DPF3: variants seen among roughly 807,000 people sequenced by gnomAD.
The protein encoded by DPF3 is double PHD fingers 3, also known as zinc finger protein DPF3.
A neutral mutation model predicts 56.8 loss-of-function variants in DPF3; 18 were observed. The observed-to-expected ratio is 0.32, with a 90% CI of 0.22 to 0.47. The LOEUF (loss-of-function observed/expected upper bound fraction) is 0.47, where lower values mean the gene tolerates loss of function less well. Ranked by LOEUF, DPF3 falls within the 20% of genes least tolerant of loss-of-function variation. The pLI, the probability that DPF3 is intolerant of heterozygous loss-of-function variation, is 1.00. For synonymous variants in DPF3, 188 were observed against 180.2 expected (o/e 1.04, Z -0.35); for missense variants, 403 against 488.8 (o/e 0.82, Z 1.65).
At chr14:72,847,154 C>T (rs2140077870) in intron 1 of DPF3, among the ~76,000 whole-genome samples, 1 of 152,310 alleles carries the variant, frequency 6.6e-6, no homozygotes, top group South Asian at 2.1e-4. Context: ...TGGTGTTTGA[C>T]TTTCTTGAAC....
chr14:72,685,352 CCTCT>C (rs1198932791), intron 7 of DPF3, among the ~76,000 whole-genome samples: 2 of 152,194 alleles, frequency 1.3e-5, no homozygotes, highest in African/African-American at 2.4e-5. Context: ...TGTTACTCAA[CCTCT>C]CTGAGCCTCA....
chr14:72,811,961 G>A (rs960977415), intron 1 of DPF3, among the ~76,000 whole-genome samples: 2 of 151,998 alleles, frequency 1.3e-5, no homozygotes, highest in African/African-American at 2.4e-5. Context: ...ACATTGGTGT[G>A]GCTGTTTTCT....
At chr14:72,821,795 CA>C (rs1365915461) in intron 1 of DPF3, among the ~76,000 whole-genome samples, 1 of 152,026 alleles carries the variant, frequency 6.6e-6, no homozygotes. Flanking sequence ...TGCTTGAGGC[CA>C]GGAGTTCAAG....
intron 5 of DPF3, among the ~76,000 whole-genome samples, chr14:72,715,759 A>C (rs1888894466): frequency 6.6e-6 from 1 of 151,876 alleles, no homozygotes; most frequent in African/African-American, 2.4e-5. Flanking sequence ...ACCACCTGCC[A>C]AGCTACCACC....
At position 72,619,029 on chromosome 14, in the gene DPF3, G is replaced by T. The variant is rs1304421639; in HGVS notation, c.*268C>A. Among the ~76,000 whole-genome samples, 1 of 152,216 alleles carries T rather than the reference G, an allele frequency of 6.6e-6. No individual in the cohort carries two copies. Among genetic ancestry groups the T allele is most frequent in the Non-Finnish European group, 1.5e-5 (1 of 68,040 alleles). On this transcript the variant is annotated 3_prime_UTR_variant, in exon 11 of 11. Coordinates refer to ENST00000556509, the MANE Select transcript of DPF3 (RefSeq NM_001280542.3). ...CGGTGCTAGGGTAAAAGTGAGAGGG[G>T]TTCCACAGGGCTGGGGCCGGAGGTG...
intron 1 of DPF3, among the ~76,000 whole-genome samples, chr14:72,825,587 A>G (rs906683324): frequency 6.6e-6 from 1 of 152,192 alleles, no homozygotes; most frequent in Non-Finnish European, 1.5e-5. Flanking sequence ...GGTGCAGCCT[A>G]CATCCCATTG....
At chr14:72,755,898 T>C (rs1330977342) in intron 2 of DPF3, among the ~76,000 whole-genome samples, 2 of 152,202 alleles carry the variant, frequency 1.3e-5, no homozygotes, top group African/African-American at 4.8e-5. Flanking sequence ...CGTTCAGCCC[T>C]GGAGTTCCAC....
At chr14:72,763,458 C>T (rs1350190981) in intron 2 of DPF3, among the ~76,000 whole-genome samples, 1 of 152,042 alleles carries the variant, frequency 6.6e-6, no homozygotes, top group Non-Finnish European at 1.5e-5. Flanking sequence ...TATATGTGGA[C>T]ATCTAATTTT....
At chr14:72,626,260 C>G (rs1884822772) in intron 9 of DPF3, among the ~76,000 whole-genome samples, 1 of 152,106 alleles carries the variant, frequency 6.6e-6, no homozygotes, top group Non-Finnish European at 1.5e-5. Context: ...TCTCCCTTAT[C>G]CCTACTATCC....
chr14:72,831,361 A>AG (rs1300369467), intron 1 of DPF3, among the ~76,000 whole-genome samples: 1 of 151,938 alleles, frequency 6.6e-6, no homozygotes, highest in African/African-American at 2.4e-5. Context: ...GGAAAAAAAA[A>AG]ACAAAAAACA....
intron 8 of DPF3, among the ~76,000 whole-genome samples, chr14:72,672,139 T>G (rs1886717676): frequency 6.6e-6 from 1 of 151,920 alleles, no homozygotes; most frequent in South Asian, 2.1e-4. Flanking sequence ...AGTTGTCAAA[T>G]CTCATTCAGG....
intron 8 of DPF3, among the ~76,000 whole-genome samples, chr14:72,646,977 C>G (rs944063324): frequency 6.6e-6 from 1 of 152,188 alleles, no homozygotes; most frequent in African/African-American, 2.4e-5. Flanking sequence ...ACTTGGAGAC[C>G]CTCTGCTGCC....
At position 72,864,827 on chromosome 14, in the gene DPF3, C is replaced by T. The variant is rs534987002; in HGVS notation, c.32+29230G>A. 3.3e-5 allele frequency among the ~76,000 whole-genome samples: 5 copies of T among 152,236 alleles called. 1 individual carries two copies. The highest frequency in any genetic ancestry group is 4.1e-4 in the South Asian group (2 of 4,822). On this transcript the variant is annotated intron_variant, in intron 1 of 10. Transcript: ENST00000556509. ...GAAGCACTGCAGGCTGGGAGGTCAA[C>T]GAGGAAGCTCCTGCCAGTGTCCCCA...
chr14:72,693,494 G>A (rs184749993), intron 6 of DPF3, among the ~76,000 whole-genome samples: 1 of 152,306 alleles, frequency 6.6e-6, no homozygotes, highest in East Asian at 1.9e-4. Flanking sequence ...CAAGTCACTT[G>A]ACCTCTCTGT....
Position 72,693,213 on chromosome 14 carries a change from A to G in DPF3, c.605T>C (p.Ile202Thr), listed in dbSNP as rs1887769260. The G allele has an allele frequency of 1.2e-6, 2 of 1,613,608 alleles. No homozygotes were observed. Among genetic ancestry groups the G allele is most frequent in the Non-Finnish European group, 1.7e-6 (2 of 1,179,756 alleles). The change falls in exon 7 of 11, where the codon ATC becomes ACC. Residue 202 changes from isoleucine to threonine, a missense_variant and splice_region_variant. By Grantham distance (89) the Ile-to-Thr change is moderately conservative. Coordinates refer to ENST00000556509, the MANE Select transcript of DPF3 (RefSeq NM_001280542.3). ...EDHDKPYVCD[I>T]CGKRYKNRPG... is the part of the protein sequence containing the mutation. ...TCGGTTCTTGTAGCGCTTGCCACAG[A>G]CTAGAGAGGAAAAGAGGAAAAAAGG...
intron 8 of DPF3, among the ~76,000 whole-genome samples, chr14:72,655,521 T>C (rs1886038542): frequency 6.6e-6 from 1 of 152,184 alleles, no homozygotes; most frequent in Non-Finnish European, 1.5e-5. Flanking sequence ...CAGATGGAGT[T>C]TCAGCAGAAC....
chr14:72,784,230 A>T (rs1310364568), intron 1 of DPF3, among the ~76,000 whole-genome samples: 1 of 152,092 alleles, frequency 6.6e-6, no homozygotes, highest in Non-Finnish European at 1.5e-5. Context: ...GGAGGCACAT[A>T]CTTGTAAATA....
At chr14:72,723,361 T>C (rs1876629895) in intron 5 of DPF3, among the ~76,000 whole-genome samples, 1 of 152,112 alleles carries the variant, frequency 6.6e-6, no homozygotes, top group African/African-American at 2.4e-5. Flanking sequence ...TCTCCTTATC[T>C]TCCACCCTCA....
chr14:72,755,443 A>C (rs1318317689), intron 2 of DPF3, among the ~76,000 whole-genome samples: 2 of 152,134 alleles, frequency 1.3e-5, no homozygotes, highest in African/African-American at 4.8e-5. Flanking sequence ...TGGATTGGAG[A>C]CACTCTGCAG....
Sources: gnomAD v4.1 joint callset for allele counts (sites outside exome capture counted in the v4.1 genomes callset) on GRCh38, gnomAD v4.1.1 for gene constraint, MANE v1.5 for transcripts, NCBI Gene and HGNC (gene_info 2026-07-23, HGNC 2026-07-21) for gene names.